Variants in STARD7 observed in about 807,000 individuals in gnomAD.
STARD7 encodes the protein stAR-related lipid transfer protein 7, mitochondrial.
In STARD7, 30 loss-of-function variants were observed where a neutral mutation model predicts 45.3. The observed-to-expected ratio is 0.66, with a 90% confidence interval of 0.50 to 0.90. The LOEUF is 0.90. Among genes scored for constraint, STARD7 ranks in the 40% least tolerant of loss-of-function variants. The pLI is 0.00. For missense variants in STARD7, 495 were observed against 491.3 expected (o/e 1.01, Z -0.07); for synonymous variants, 199 against 183.0 (o/e 1.09, Z -0.70).
At chr2:96,198,827 G>A (rs1349243863) in intron 1 of STARD7, among the ~76,000 whole-genome samples, 1 of 152,032 alleles carries the variant, frequency 6.6e-6, no homozygotes, top group Non-Finnish European at 1.5e-5. Flanking sequence ...CTTACATTAG[G>A]TCTTTACCCC....
intron 1 of STARD7, among the ~76,000 whole-genome samples, chr2:96,202,198 G>A (rs2104201877): frequency 6.6e-6 from 1 of 152,318 alleles, no homozygotes; most frequent in East Asian, 1.9e-4. Context: ...GAGACTTCTA[G>A]AAGGGGCTTT....
intron 1 of STARD7, among the ~76,000 whole-genome samples, chr2:96,198,580 A>G (rs901397396): frequency 6.6e-6 from 1 of 152,224 alleles, no homozygotes; most frequent in Non-Finnish European, 1.5e-5. Flanking sequence ...TTGTTATTCC[A>G]GCCAACTTAG....
intron 1 of STARD7, among the ~76,000 whole-genome samples, chr2:96,196,276 AAC>A (rs968797049): frequency 6.6e-6 from 1 of 152,106 alleles, no homozygotes; most frequent in African/African-American, 2.4e-5. Flanking sequence ...TAACCTGGGA[AAC>A]ACAGTGAGAC....
intron 2 of STARD7, 134 bp downstream of exon 2, chr2:96,195,207 A>G: frequency 1.1e-6 from 1 of 876,846 alleles, no homozygotes; most frequent in Non-Finnish European, 1.7e-6. Flanking sequence ...CATCTGGGAG[A>G]AGAAAAACAA....
chr2:96,208,550 T>C lies in STARD7; in HGVS notation c.-116A>G. The stretch of plus-strand genomic sequence containing the variant: ...GGCCGGCCACGAACCCGTCTCACGG[T>C]CCCGCGGCCAGGAGCCGCCGCTCAT... On this transcript the variant is annotated 5_prime_UTR_variant, in exon 1 of 8. Coordinates refer to ENST00000337288, the MANE Select transcript of STARD7 (RefSeq NM_020151.4). 1 of 958,828 alleles carries C rather than the reference T, an allele frequency of 1.0e-6. No individual in the cohort carries two copies. The highest frequency in any genetic ancestry group is 1.4e-6 in the Non-Finnish European group (1 of 707,086). The allele number at this position is 958,828 out of a possible 1,614,324, so 59.4% of individuals were successfully genotyped here. A position where few individuals can be genotyped will look rare whatever the true frequency, so the allele number is the denominator to read the frequency against.
At chr2:96,188,600 TG>T (rs1683074627) in intron 6 of STARD7, among the ~76,000 whole-genome samples, 1 of 151,382 alleles carries the variant, frequency 6.6e-6, no homozygotes, top group African/African-American at 2.4e-5. Context: ...AAAAACACTT[TG>T]GGCTGGGTGT....
At chr2:96,194,935 T>C in intron 3 of STARD7, 23 bp downstream of exon 3, 2 of 1,600,048 alleles carry the variant, frequency 1.2e-6, no homozygotes, top group Non-Finnish European at 1.7e-6. Context: ...AGGCTCCAAA[T>C]CTGGAGAGAA....
chr2:96,192,180 T>C (rs1005583333), intron 6 of STARD7, among the ~76,000 whole-genome samples, 189 bp downstream of exon 6: 3 of 152,190 alleles, frequency 2.0e-5, no homozygotes, highest in African/African-American at 7.2e-5. Flanking sequence ...ACTTTGTCCT[T>C]GGGGAACTTC....
rs781025702 is a variant in STARD7, at chr2:96,186,826, C to G, written c.1017G>C (p.Lys339Asn). 2.5e-6 allele frequency: 4 copies of G among 1,614,012 alleles called. No homozygotes were observed. The highest frequency in any genetic ancestry group is 3.4e-6 in the Non-Finnish European group (4 of 1,179,870). ...EIKVKDYISA[K>N]PLEMSSEAKA... is the part of the protein sequence containing the mutation. ...TGGCTTCACTACTCATTTCCAGAGG[C>G]TTAGCTGAGATGTAGTCCTTTACTT... Residue 339 changes from lysine (K) to asparagine (N), a missense_variant, in exon 8 of 8, where the codon AAG (lysine) becomes AAC (asparagine). Around this residue, in one of 2 missense-constraint regions of STARD7, gnomAD observed 213 missense variants for 271.2 expected, o/e 0.79. Transcript: ENST00000337288.
Position 96,195,343 on chromosome 2 carries a change from C to T in STARD7, c.497G>A (p.Arg166Gln), listed in dbSNP as rs1573942295. 3.2e-6 allele frequency: 5 copies of T among 1,565,370 alleles called. No homozygotes were observed. The highest frequency in any genetic ancestry group is 1.4e-5 in the African/African-American group (1 of 73,924). The change falls in exon 2 of 8, where the codon CGA (arginine) becomes CAA (glutamine). Residue 166 changes from arginine (R) to glutamine (Q), a missense_variant and splice_region_variant. By Grantham distance (43) the Arg-to-Gln change is conservative (BLOSUM62 1). Coordinates refer to ENST00000337288, the MANE Select transcript of STARD7 (RefSeq NM_020151.4). Reference protein sequence around the residue: ...PITGTHLYQYRVFGTYTDVTP... With the variant: ...PITGTHLYQYQVFGTYTDVTP... ...AAAGATAGCCACACTGGGCTCACCT[C>T]GGTACTGGTAAAGGTGGGTGCCTGT...
chr2:96,199,885 T>C (rs909904890), intron 1 of STARD7, among the ~76,000 whole-genome samples: 1 of 152,244 alleles, frequency 6.6e-6, no homozygotes, highest in Admixed American at 6.5e-5. Flanking sequence ...AGGCTGGAAT[T>C]TGTCAAATAC....
In STARD7 at chr2:96,208,352, C is replaced by G; in HGVS notation, c.83G>C (p.Arg28Pro). Reference sequence around the variant, plus strand: ...CCGCACGCGCAGGCCCGTGACGAAGCGGCACTGATTGGCCAGAAGCGCCAG... The same window carrying G: ...CCGCACGCGCAGGCCCGTGACGAAGGGGCACTGATTGGCCAGAAGCGCCAG... The part of the protein sequence containing the change: ...GLLALLANQC[R>P]FVTGLRVRRA... Residue 28 changes from arginine (R) to proline (P), a missense_variant, in exon 1 of 8, where the codon CGC becomes CCC. Around this residue, in one of 2 missense-constraint regions of STARD7, gnomAD observed 282 missense variants for 220.1 expected, o/e 1.28. Coordinates refer to ENST00000337288, the MANE Select transcript of STARD7 (RefSeq NM_020151.4). 1 of 1,589,332 alleles carries G rather than the reference C, an allele frequency of 6.3e-7. No homozygotes were observed. Among genetic ancestry groups the G allele is most frequent in the East Asian group, 2.3e-5 (1 of 43,316 alleles).
chr2:96,202,070 AT>A (rs938747030), intron 1 of STARD7, among the ~76,000 whole-genome samples: 1 of 152,094 alleles, frequency 6.6e-6, no homozygotes, highest in African/African-American at 2.4e-5. Context: ...ATAGGGGAAT[AT>A]TTGTCATTTT....
intron 1 of STARD7, 139 bp downstream of exon 1, chr2:96,208,006 T>C (rs1004180278): frequency 2.7e-6 from 2 of 731,798 alleles, no homozygotes; most frequent in South Asian, 2.2e-5. Flanking sequence ...ACAACGCGGT[T>C]TGCTGAAGCA....
intron 4 of STARD7, 29 bp downstream of exon 4, chr2:96,193,213 G>A (rs1260187899): frequency 6.2e-7 from 1 of 1,601,908 alleles, no homozygotes; most frequent in African/African-American, 1.3e-5. Context: ...AACCTGGACA[G>A]AAATAAAATC....
Position 96,185,064 on chromosome 2 carries a change from C to CAT in STARD7, c.*1664_*1665dup, listed in dbSNP as rs1683013502. 6.6e-6 allele frequency: 1 copy of CAT among 152,480 alleles called. No homozygotes were observed. The highest frequency in any genetic ancestry group is 2.4e-5 in the African/African-American group (1 of 41,380). The allele number at this position is 152,480 out of a possible 1,614,324, so 9.4% of individuals were successfully genotyped here. A position where few individuals can be genotyped will look rare whatever the true frequency, so the allele number is the denominator to read the frequency against. On this transcript the variant is annotated 3_prime_UTR_variant, in exon 8 of 8. Coordinates refer to ENST00000337288, the MANE Select transcript of STARD7 (RefSeq NM_020151.4). ...GCTCGCAGACGCACACACACACACACATATTCTCTCTCTCTCTTATGCACA... is the reference window on the plus strand; with the variant it reads ...GCTCGCAGACGCACACACACACACACATATATTCTCTCTCTCTCTTATGCACA...
At position 96,193,249 on chromosome 2, in the gene STARD7, TG is replaced by T; in HGVS notation, c.652del (p.His218IlefsTer25). 1 of 1,612,294 alleles carries T rather than the reference TG, an allele frequency of 6.2e-7. No homozygotes were observed. The highest frequency in any genetic ancestry group is 8.5e-7 in the Non-Finnish European group (1 of 1,178,370). ...AGAAGTAAAAATACTCACAGGAAAA[TG>T]GGTTACCCAGTGAAGAACCTCGGAA... The part of the protein sequence containing the change: ...SGSEVLHWVT[H>X]FPYPMYSRDY... On this transcript the variant is annotated frameshift_variant, in exon 4 of 8. Coordinates refer to ENST00000337288, the MANE Select transcript of STARD7 (RefSeq NM_020151.4). LOFTEE classifies it high-confidence loss of function.
At chr2:96,201,306 G>A (rs1683299777) in intron 1 of STARD7, among the ~76,000 whole-genome samples, 1 of 151,376 alleles carries the variant, frequency 6.6e-6, no homozygotes, top group Non-Finnish European at 1.5e-5. Context: ...CTGGGGCAGT[G>A]GTTCACGCCT....
At chr2:96,201,639 C>CA (rs986455077) in intron 1 of STARD7, among the ~76,000 whole-genome samples, 2 of 148,872 alleles carry the variant, frequency 1.3e-5, no homozygotes, top group Non-Finnish European at 3.0e-5. Context: ...CCCAGCACTA[C>CA]AAAAAAAAAT....
Sources: allele counts gnomAD v4.1 joint callset (sites outside exome capture counted in the v4.1 genomes callset), GRCh38; gene constraint gnomAD v4.1.1; regional missense constraint gnomAD v4.1.1; transcripts MANE v1.5; gene names NCBI Gene and HGNC (gene_info 2026-07-23, HGNC 2026-07-21).